The following BRINP2 variants were observed in gnomAD, a reference collection of about 807,000 sequenced individuals.
The protein encoded by BRINP2 is BMP/retinoic acid inducible neural specific 2.
In BRINP2, 21 loss-of-function variants were observed where a neutral mutation model predicts 69.2. That is an observed-to-expected ratio of 0.30 (90% confidence interval 0.22 to 0.44). The LOEUF (loss-of-function observed/expected upper bound fraction) is 0.44, where lower values mean the gene tolerates loss of function less well. BRINP2 is among the 20% of genes least tolerant of loss of function. The pLI, the probability that BRINP2 is intolerant of heterozygous loss-of-function variation, is 1.00. For synonymous variants in BRINP2, 380 were observed against 394.1 expected, an observed-to-expected ratio of 0.96 and a Z score of 0.42; for missense variants, 877 against 986.0, an observed-to-expected ratio of 0.89 and a Z score of 1.48.
At chr1:177,265,333 A>G (rs1651083595) in intron 4 of BRINP2, among the ~76,000 whole-genome samples, 1 of 152,234 alleles carries the variant, frequency 6.6e-6, no homozygotes, top group African/African-American at 2.4e-5. Context: ...TTAAACCATA[A>G]AAACCATAGA....
At chr1:177,270,350 T>C (rs991345638) in intron 4 of BRINP2, among the ~76,000 whole-genome samples, 8 of 152,196 alleles carry the variant, frequency 5.3e-5, no homozygotes, top group African/African-American at 1.9e-4. Flanking sequence ...TTCCCATCCT[T>C]GTGCCACAAT....
chr1:177,281,243 C>T lies in BRINP2; in HGVS notation c.2067C>T (p.Ser689=), dbSNP rs1408601759. The change falls in exon 8 of 8, where the codon AGC becomes AGT. Residue 689 remains serine, a synonymous_variant. Coordinates refer to ENST00000361539, the MANE Select transcript of BRINP2 (RefSeq NM_021165.4). ...ACACCTTGCAGGTCTTTGGCTACAG[C>T]CTGCCCTTTGACCCAGATGCTATCC... ...KINTLQVFGY[S]LPFDPDAIRD... The T allele has an allele frequency of 1.2e-6, 2 of 1,614,144 alleles. No individual in the cohort carries two copies. Among genetic ancestry groups the T allele is most frequent in the Non-Finnish European group, 1.7e-6 (2 of 1,180,022 alleles).
intron 1 of BRINP2, among the ~76,000 whole-genome samples, chr1:177,222,361 G>A (rs939128697): frequency 2.6e-5 from 4 of 151,962 alleles, no homozygotes; most frequent in African/African-American, 9.7e-5. Context: ...GCCCAGGCTG[G>A]AGTGCAATGG....
At position 177,273,413 on chromosome 1, in the gene BRINP2, G is replaced by A. The variant is rs1651395759; in HGVS notation, c.670-75G>A. On this transcript the variant is annotated intron_variant, in intron 4 of 7. Coordinates refer to ENST00000361539, the MANE Select transcript of BRINP2 (RefSeq NM_021165.4). ...GACAGGATGTGGAACCTGAGATGGA[G>A]CAGCTGGAGAAGGGAAGTATAAAGG... 6.4e-6 allele frequency: 6 copies of A among 939,188 alleles called. No individual in the cohort carries two copies. In the East Asian group the frequency reaches 1.3e-4, roughly 20 times the overall value. The allele number at this position is 939,188 out of a possible 1,614,324, so 58.2% of individuals were successfully genotyped here.
intron 1 of BRINP2, among the ~76,000 whole-genome samples, chr1:177,192,880 A>G (rs1472304035): frequency 6.6e-6 from 1 of 152,228 alleles, no homozygotes; most frequent in Non-Finnish European, 1.5e-5. Context: ...AATATCTCAA[A>G]TAACTAAAAC....
At chr1:177,255,339 G>T (rs1558178951) in intron 2 of BRINP2, among the ~76,000 whole-genome samples, 1 of 152,164 alleles carries the variant, frequency 6.6e-6, no homozygotes, top group Non-Finnish European at 1.5e-5. Flanking sequence ...ATCTCTAAAT[G>T]AAATAACAAA....
intron 1 of BRINP2, among the ~76,000 whole-genome samples, chr1:177,181,013 G>C (rs1281657399): frequency 2.0e-5 from 3 of 152,062 alleles, no homozygotes; most frequent in Non-Finnish European, 4.4e-5. Context: ...AGTATGCACT[G>C]TAAGATCTCT....
At chr1:177,235,363 G>T (rs574423200) in intron 2 of BRINP2, among the ~76,000 whole-genome samples, 15 of 152,288 alleles carry the variant, frequency 9.8e-5, no homozygotes, top group African/African-American at 3.6e-4. Flanking sequence ...TTGCAGCAGC[G>T]AGACTATTTA....
intron 3 of BRINP2, 153 bp from the exon 4 acceptor site, chr1:177,257,023 T>A (rs1650785965): frequency 3.9e-6 from 6 of 1,536,844 alleles, no homozygotes; most frequent in Non-Finnish European, 5.3e-6. Context: ...GATGAGCTTC[T>A]TCTAAAGATG....
rs1391239885 is a variant in BRINP2 at position 177,281,318 on chromosome 1, C to A, written c.2142C>A (p.Asp714Glu). ...ACCCATATACTCAAGGTTCCCAGGACTCTGCACTCTTGCAGCTCATTGAGC... is the reference window on the plus strand; with the variant it reads ...ACCCATATACTCAAGGTTCCCAGGAATCTGCACTCTTGCAGCTCATTGAGC... The part of the protein sequence containing the change: ...LDYPYTQGSQ[D>E]SALLQLIELR... The change falls in exon 8 of 8, where the codon GAC (aspartate) becomes GAA (glutamate). Residue 714 changes from aspartate (D) to glutamate (E), a missense_variant. Coordinates refer to ENST00000361539, the MANE Select transcript of BRINP2 (RefSeq NM_021165.4). 1 of 1,614,158 alleles carries A rather than the reference C, an allele frequency of 6.2e-7. No individual in the cohort carries two copies. Among genetic ancestry groups the A allele is most frequent in the Non-Finnish European group, 8.5e-7 (1 of 1,180,024 alleles).
chr1:177,199,727 T>G (rs554592860), intron 1 of BRINP2, among the ~76,000 whole-genome samples: 17 of 152,308 alleles, frequency 1.1e-4, no homozygotes, highest in Non-Finnish European at 2.1e-4. Context: ...GTTTTGTTGA[T>G]GTACAAAAGC....
chr1:177,230,199 A>C (rs966266136), intron 2 of BRINP2, 54 bp downstream of exon 2: 1 of 1,528,664 alleles, frequency 6.5e-7, no homozygotes, highest in Non-Finnish European at 8.8e-7. Context: ...CAACCTGCAC[A>C]GGCCCTGCTG....
chr1:177,214,289 C>T lies in BRINP2; in HGVS notation c.-76-15512C>T, dbSNP rs368061756. Among the ~76,000 whole-genome samples the T allele has an allele frequency of 1.8e-4, 27 of 152,166 alleles. 1 individual carries two copies. The highest frequency in any genetic ancestry group is 5.8e-4 in the African/African-American group (24 of 41,524). ...CTCTGCTAAAAATACAAAAATTAGCCGGGCCTGGTGGCCGGAGCCTGTAAT... is the reference window on the plus strand; with the variant it reads ...CTCTGCTAAAAATACAAAAATTAGCTGGGCCTGGTGGCCGGAGCCTGTAAT... On this transcript the variant is annotated intron_variant, in intron 1 of 7. Coordinates refer to ENST00000361539, the MANE Select transcript of BRINP2 (RefSeq NM_021165.4).
chr1:177,183,137 C>CT (rs71129597), intron 1 of BRINP2, among the ~76,000 whole-genome samples: 826 of 54,190 alleles, frequency 0.015, 46 homozygotes, highest in African/African-American at 0.02. Flanking sequence ...AGTGTGTGAG[C>CT]TTTTTTTTTT....
At chr1:177,228,345 G>T (rs1278413740) in intron 1 of BRINP2, among the ~76,000 whole-genome samples, 1 of 152,194 alleles carries the variant, frequency 6.6e-6, no homozygotes, top group Non-Finnish European at 1.5e-5. Flanking sequence ...CAACCTTTAG[G>T]CTGGGAGAGT....
chr1:177,280,360 T>A, intron 7 of BRINP2, 52 bp from the exon 8 acceptor site: 1 of 1,508,502 alleles, frequency 6.6e-7, no homozygotes, highest in Non-Finnish European at 9.0e-7. Context: ...AAGAAGGGTG[T>A]CAGTGTGTGA....
At position 177,280,553 on chromosome 1, in the gene BRINP2, C is replaced by T. The variant is rs754656077; in HGVS notation, c.1377C>T (p.Ala459=). ...CCTGCCAGGGCCCCATCCCATGTGCCTTGGGCGAAGGGCCCGCGTGTGCCC... is the reference window on the plus strand; with the variant it reads ...CCTGCCAGGGCCCCATCCCATGTGCTTTGGGCGAAGGGCCCGCGTGTGCCC... ...QSSCQGPIPC[A]LGEGPACAHC... Residue 459 remains alanine (A), a synonymous_variant, in exon 8 of 8, where the codon GCC becomes GCT. Transcript: ENST00000361539. The T allele has an allele frequency of 6.2e-7, 1 of 1,614,214 alleles. No individual in the cohort carries two copies. The highest frequency in any genetic ancestry group is 8.5e-7 in the Non-Finnish European group (1 of 1,180,040).
intron 1 of BRINP2, among the ~76,000 whole-genome samples, chr1:177,222,314 T>TTTTTC (rs1441539138): frequency 6.6e-6 from 1 of 151,864 alleles, no homozygotes; most frequent in Non-Finnish European, 1.5e-5. Context: ...CCTTTTTTTC[T>TTTTTC]TTTTCTTTTC....
At chr1:177,254,672 G>A (rs1199298255) in intron 2 of BRINP2, among the ~76,000 whole-genome samples, 2 of 148,170 alleles carry the variant, frequency 1.3e-5, no homozygotes, top group Non-Finnish European at 3.0e-5. Context: ...TCAGACTTGA[G>A]TGTCTAGCAG....
Sources: allele counts gnomAD v4.1 joint callset (sites outside exome capture counted in the v4.1 genomes callset), GRCh38; gene constraint gnomAD v4.1.1; transcripts MANE v1.5; gene names NCBI Gene and HGNC (gene_info 2026-07-23, HGNC 2026-07-21).